TLL2: variants seen among roughly 807,000 people sequenced by gnomAD.
TLL2 encodes tolloid-like protein 2.
Under a neutral mutation model 123.0 loss-of-function variants are expected in TLL2, and 106 were observed. That is an observed-to-expected ratio of 0.86 (90% CI 0.74 to 1.01). The LOEUF (loss-of-function observed/expected upper bound fraction) is 1.01. Among genes scored for constraint, TLL2 ranks in the 50% least tolerant of loss-of-function variants. The probability of loss-of-function intolerance (pLI) is 0.00; values close to 1 mark genes in which losing one functional copy is unlikely to be tolerated. For synonymous variants in TLL2, 494 were observed against 516.8 expected (o/e 0.96, Z 0.60); for missense variants, 1,332 against 1,336.7 (o/e 1.00, Z 0.06).
chr10:96,376,790 C>T lies in TLL2; in HGVS notation c.2350G>A (p.Glu784Lys). The change falls in exon 18 of 21, where the codon GAG becomes AAG. Residue 784 changes from glutamate to lysine, a missense_variant. By Grantham distance (56) the Glu-to-Lys change is moderately conservative (BLOSUM62 1). Coordinates refer to ENST00000357947, the MANE Select transcript of TLL2 (RefSeq NM_012465.4). ...AGCAHKISSV[E>K]GTLASPNWPD... ...CAGTTGGGGCTCGCCAGGGTCCCCT[C>T]CACACTGCTGATCTTGTGTGCACAG... 1 of 1,584,360 alleles carries T rather than the reference C, an allele frequency of 6.3e-7. No individual in the cohort carries two copies.
At chr10:96,417,451 T>C (rs1846573625) in intron 7 of TLL2, among the ~76,000 whole-genome samples, 1 of 152,118 alleles carries the variant, frequency 6.6e-6, no homozygotes, top group Non-Finnish European at 1.5e-5. Context: ...AAAAAGTCAC[T>C]CCTCCTAATA....
chr10:96,485,985 G>A (rs1589434498), intron 1 of TLL2, among the ~76,000 whole-genome samples: 2 of 149,918 alleles, frequency 1.3e-5, no homozygotes, highest in South Asian at 4.3e-4. Context: ...AGCAGGGGGT[G>A]GGAGAAGGGA....
chr10:96,415,739 G>GTCTCTC (rs142401265), intron 7 of TLL2, among the ~76,000 whole-genome samples: 1 of 28,046 alleles, frequency 3.6e-5, no homozygotes, highest in Admixed American at 3.6e-4. Flanking sequence ...GTCTCTCTCT[G>GTCTCTC]TCTCTCTCTC....
chr10:96,499,768 G>A (rs1231500927), intron 1 of TLL2, among the ~76,000 whole-genome samples: 1 of 152,106 alleles, frequency 6.6e-6, no homozygotes, highest in Non-Finnish European at 1.5e-5. Context: ...TTAGAAAAAT[G>A]AGCAGGAACA....
intron 1 of TLL2, among the ~76,000 whole-genome samples, chr10:96,485,682 T>C (rs1847348821): frequency 6.6e-6 from 1 of 152,206 alleles, no homozygotes; most frequent in African/African-American, 2.4e-5. Context: ...ATTTAAAGCT[T>C]TTCTTGGGGA....
rs1163077618 is a variant in TLL2 at position 96,367,210 on chromosome 10, C to G, written c.*878G>C. ...CAGTTTGAATTGGATGTCAAGGAGTCCAGGTGTGCCACGGCAAGTGCCTCC... is the reference window on the plus strand; with the variant it reads ...CAGTTTGAATTGGATGTCAAGGAGTGCAGGTGTGCCACGGCAAGTGCCTCC... On this transcript the variant is annotated 3_prime_UTR_variant, in exon 21 of 21. Transcript: ENST00000357947. 1 of 152,230 alleles carries G rather than the reference C, an allele frequency of 6.6e-6. No individual in the cohort carries two copies. The highest frequency in any genetic ancestry group is 2.4e-5 in the African/African-American group (1 of 41,456). The allele number at this position is 152,230 out of a possible 1,614,324, so 9.4% of individuals were successfully genotyped here.
Position 96,370,130 on chromosome 10 carries a change from A to G in TLL2, c.2848T>C (p.Tyr950His). 5 of 1,613,876 alleles carry G rather than the reference A, an allele frequency of 3.1e-6. No homozygotes were observed. The South Asian group carries it at 5.5e-5, about 18-fold the overall frequency. The change falls in exon 20 of 21, where the codon TAC (tyrosine) becomes CAC (histidine). Residue 950 changes from tyrosine to histidine, a missense_variant. Physicochemically the swap from Tyr to His is moderately conservative, Grantham distance 83. Transcript: ENST00000357947. ...VEEEADCGYD[Y>H]MEAYDGYDSS... The stretch of plus-strand genomic sequence containing the variant: ...TCGTAGCCGTCGTAGGCTTCCATGT[A>G]GTCGTAGCCGCAGTCGGCCTCCTCC...
chr10:96,398,115 C>T (rs2134063999), intron 10 of TLL2, among the ~76,000 whole-genome samples: 1 of 152,294 alleles, frequency 6.6e-6, no homozygotes, highest in African/African-American at 2.4e-5. Context: ...ATGCAGAGCT[C>T]TTCAGGCAAA....
intron 16 of TLL2, among the ~76,000 whole-genome samples, chr10:96,382,722 G>A (rs776749538): frequency 6.6e-6 from 1 of 152,216 alleles, no homozygotes; most frequent in Non-Finnish European, 1.5e-5. Flanking sequence ...ACAGCAAGAA[G>A]GCATTTGCCA....
At chr10:96,373,574 G>A (rs764964109) in intron 19 of TLL2, 22 bp downstream of exon 19, 1 of 1,605,106 alleles carries the variant, frequency 6.2e-7, no homozygotes, top group Non-Finnish European at 8.5e-7. Flanking sequence ...TCAGGTGGAA[G>A]CCAGTGTCCC....
intron 2 of TLL2, among the ~76,000 whole-genome samples, chr10:96,456,755 CA>C (rs768575895): frequency 6.6e-6 from 1 of 152,206 alleles, no homozygotes; most frequent in Non-Finnish European, 1.5e-5. Context: ...ATCAGATCCA[CA>C]ATGTGCCAGG....
chr10:96,397,452 T>A, intron 10 of TLL2, 150 bp from the exon 11 acceptor site: 1 of 545,032 alleles, frequency 1.8e-6, no homozygotes, highest in South Asian at 2.5e-5. Flanking sequence ...ACACACAGGA[T>A]CAAAAGATGG....
At chr10:96,492,578 C>G (rs949329363) in intron 1 of TLL2, among the ~76,000 whole-genome samples, 20 of 152,258 alleles carry the variant, frequency 1.3e-4, no homozygotes, top group East Asian at 1.9e-4. Flanking sequence ...GAGCCAAGAT[C>G]GCTCCAATGC....
chr10:96,440,390 T>C (rs1191460393), intron 3 of TLL2, among the ~76,000 whole-genome samples: 2 of 152,180 alleles, frequency 1.3e-5, no homozygotes, highest in Non-Finnish European at 1.5e-5. Flanking sequence ...TCCAAACAAC[T>C]CTGTGTTGGA....
chr10:96,513,695 G>C lies in TLL2; in HGVS notation c.-10C>G, dbSNP rs982541749. 3.3e-6 allele frequency: 5 copies of C among 1,502,746 alleles called. No individual in the cohort carries two copies. Among genetic ancestry groups the C allele is most frequent in the Non-Finnish European group, 4.4e-6 (5 of 1,130,508 alleles). 93.1% of individuals were successfully genotyped at this position (1,502,746 alleles called of 1,614,324 possible). On this transcript the variant is annotated 5_prime_UTR_variant, in exon 1 of 21. Transcript: ENST00000357947. ...CAGTCGCCCGGGGCATGGTGGCGCGGGGCCGGCTGGGGCAGAGGGAGTTGC... is the reference window on the plus strand; with the variant it reads ...CAGTCGCCCGGGGCATGGTGGCGCGCGGCCGGCTGGGGCAGAGGGAGTTGC...
At chr10:96,437,469 C>A (rs1446844699) in intron 3 of TLL2, among the ~76,000 whole-genome samples, 1 of 152,146 alleles carries the variant, frequency 6.6e-6, no homozygotes. Context: ...TGTGTATCTA[C>A]CACCACATTC....
chr10:96,409,841 C>T (rs1846483945), intron 9 of TLL2, among the ~76,000 whole-genome samples: 2 of 152,216 alleles, frequency 1.3e-5, no homozygotes, highest in Non-Finnish European at 2.9e-5. Context: ...GATCCATCTT[C>T]TTGAGTATAG....
rs1285354320 is a variant in TLL2 at position 96,476,248 on chromosome 10, T to TTTTTTGTTGTTGTTGTTG, written c.286+4100_286+4101insCAACAACAACAACAAAAA. Among the ~76,000 whole-genome samples the TTTTTTGTTGTTGTTGTTG allele has an allele frequency of 1.7e-4, 12 of 69,238 alleles. 1 individual carries two copies. The highest frequency in any genetic ancestry group is 5.6e-4 in the African/African-American group (9 of 16,066). 45.4% of individuals were successfully genotyped at this position (69,238 alleles called of 152,430 possible). ...TATATATATATATATATATTTTATT[T>TTTTTTGTTGTTGTTGTTG]TTGTTGTTGTTGTTGTTGTTGAGAC... On this transcript the variant is annotated intron_variant, in intron 2 of 20. Coordinates refer to ENST00000357947, the MANE Select transcript of TLL2 (RefSeq NM_012465.4).
At position 96,405,232 on chromosome 10, in the gene TLL2, C is replaced by T. The variant is rs762776854; in HGVS notation, c.1267G>A (p.Gly423Ser). The change falls in exon 10 of 21, where the codon GGC (glycine) becomes AGC (serine). Residue 423 changes from glycine (G) to serine (S), a missense_variant and splice_region_variant. By Grantham distance (56) the Gly-to-Ser change is moderately conservative (BLOSUM62 0). Transcript: ENST00000357947. ...DGYWRKAPLL[G>S]RFCGDKIPEP... ...TTAACGGTGTCTAAAGTCAACTTAC[C>T]CAAAAGGGGGGCTTTTCTCCAGTAA... The T allele has an allele frequency of 1.9e-6, 3 of 1,614,038 alleles. No homozygotes were observed. The highest frequency in any genetic ancestry group is 4.5e-5 in the East Asian group (2 of 44,880).
Sources: allele counts gnomAD v4.1 joint callset (sites outside exome capture counted in the v4.1 genomes callset), GRCh38; gene constraint gnomAD v4.1.1; transcripts MANE v1.5; gene names NCBI Gene and HGNC (gene_info 2026-07-23, HGNC 2026-07-21).